The following N4BP2 variants were observed in gnomAD, a reference collection of about 807,000 sequenced individuals.
The protein encoded by N4BP2 is NEDD4 binding protein 2, also known as NEDD4-binding protein 2.
In N4BP2, 91 loss-of-function variants were observed where a neutral mutation model predicts 152.8. That is an observed-to-expected ratio of 0.60 (90% CI 0.50 to 0.71). N4BP2 has a LOEUF of 0.71. N4BP2 is among the 30% of genes least tolerant of loss of function. The pLI is 0.00. For synonymous variants in N4BP2, 646 were observed against 705.3 expected (o/e 0.92, Z 1.33); for missense variants, 1,923 against 2,059.1 (o/e 0.93, Z 1.28).
rs879125123 is a variant in N4BP2 at position 40,121,024 on chromosome 4, A to G, written c.2913A>G (p.Gln971=). 4 of 1,614,092 alleles carry G rather than the reference A, an allele frequency of 2.5e-6. No homozygotes were observed. Among genetic ancestry groups the G allele is most frequent in the South Asian group, 2.2e-5 (2 of 91,080 alleles). ...GTCTAAGTAAAAAGAGTCATGGGCA[A>G]CACACATCGTTGCCTCTTACTTTTA... ...QTCLSKKSHG[Q]HTSLPLTFTN... The change falls in exon 9 of 18, where the codon CAA becomes CAG. Residue 971 remains glutamine, a synonymous_variant. Coordinates refer to ENST00000261435, the MANE Select transcript of N4BP2 (RefSeq NM_018177.6).
At chr4:40,167,303 T>C in the N4BP2 span, 1 of 152,216 alleles carries the variant, frequency 6.6e-6, no homozygotes, top group Non-Finnish European at 1.5e-5. Context: ...CTGAGCTGAA[T>C]AAAGCCTTAT....
intron 2 of N4BP2, among the ~76,000 whole-genome samples, chr4:40,079,994 G>A (rs2664188): frequency 0.48 from 71,982 of 151,514 alleles, 17,632 homozygotes; most frequent in East Asian, 0.8. Context: ...GGGAGGGGGG[G>A]ATATATTTGT....
intron 1 of N4BP2, among the ~76,000 whole-genome samples, chr4:40,060,602 ATTTTT>A (rs11302996): frequency 7.4e-6 from 1 of 134,878 alleles, no homozygotes; most frequent in African/African-American, 2.8e-5. Context: ...AAGTAGCTAG[ATTTTT>A]TTTTTTTTTT....
intron 5 of N4BP2, 137 bp from the exon 6 acceptor site, chr4:40,111,947 A>G: frequency 1.8e-6 from 1 of 557,862 alleles, no homozygotes; most frequent in Non-Finnish European, 3.2e-6. Context: ...TATGTCCTCA[A>G]AGGGATATTT....
chr4:40,146,113 A>C (rs887153944), intron 16 of N4BP2, among the ~76,000 whole-genome samples: 1 of 152,126 alleles, frequency 6.6e-6, no homozygotes, highest in Non-Finnish European at 1.5e-5. Flanking sequence ...CAGTGAGCCA[A>C]GATCACGCCA....
chr4:40,110,985 T>C (rs1716824416), intron 5 of N4BP2, among the ~76,000 whole-genome samples: 1 of 152,256 alleles, frequency 6.6e-6, no homozygotes, highest in South Asian at 2.1e-4. Flanking sequence ...CTAATTCCTT[T>C]GGAAGAAAGG....
the N4BP2 span, among the ~76,000 whole-genome samples, chr4:40,184,329 T>A: frequency 6.6e-6 from 1 of 151,714 alleles, no homozygotes; most frequent in African/African-American, 2.4e-5. Context: ...TCACATTATT[T>A]TTTTTTCTTT....
chr4:40,131,362 A>T (rs547130249), intron 12 of N4BP2, among the ~76,000 whole-genome samples: 2 of 152,268 alleles, frequency 1.3e-5, no homozygotes, highest in East Asian at 3.9e-4. Context: ...GCATGCATTT[A>T]TATACTAATA....
At chr4:40,103,587 T>C (rs1431718633) in intron 4 of N4BP2, among the ~76,000 whole-genome samples, 1 of 152,204 alleles carries the variant, frequency 6.6e-6, no homozygotes, top group Non-Finnish European at 1.5e-5. Flanking sequence ...AAGACTTAAA[T>C]ACATTAATTT....
intron 1 of N4BP2, among the ~76,000 whole-genome samples, chr4:40,063,387 C>T (rs2109885830): frequency 6.6e-6 from 1 of 152,260 alleles, no homozygotes; most frequent in African/African-American, 2.4e-5. Flanking sequence ...TATGTTTCTT[C>T]ACATGGTAAA....
chr4:40,172,832 A>G, the N4BP2 span, among the ~76,000 whole-genome samples: 19 of 152,214 alleles, frequency 1.2e-4, no homozygotes, highest in Non-Finnish European at 2.1e-4. Flanking sequence ...GTGTTTTATA[A>G]TATCTTAAAA....
chr4:40,116,760 G>T (rs1717378310), intron 7 of N4BP2, among the ~76,000 whole-genome samples: 3 of 151,944 alleles, frequency 2.0e-5, no homozygotes, highest in Admixed American at 2.0e-4. Flanking sequence ...TATAGTAAGG[G>T]TCTGCTTGGT....
intron 2 of N4BP2, among the ~76,000 whole-genome samples, chr4:40,093,712 G>A (rs753891725): frequency 6.6e-6 from 1 of 152,146 alleles, no homozygotes; most frequent in Admixed American, 6.6e-5. Context: ...TGCTTCCTGG[G>A]TTCAAACGAT....
In N4BP2 at chr4:40,092,034, A is replaced by G. The variant is rs1346533386; in HGVS notation, c.-114-5193A>G. Among the ~76,000 whole-genome samples, 24 of 123,332 alleles carry G rather than the reference A, an allele frequency of 1.9e-4. 1 individual carries two copies. Among genetic ancestry groups the G allele is most frequent in the African/African-American group, 7.1e-4 (24 of 33,614 alleles). The allele number at this position is 123,332 out of a possible 152,430, so 80.9% of individuals were successfully genotyped here. A position where few individuals can be genotyped will look rare whatever the true frequency, so the allele number is the denominator to read the frequency against. The stretch of plus-strand genomic sequence containing the variant: ...TATATATATATATATATATATATAT[A>G]TATATATATATAGCTGAATTTTATT... On this transcript the variant is annotated intron_variant, in intron 2 of 17. Transcript: ENST00000261435.
At chr4:40,136,225 G>A (rs1719366967) in intron 13 of N4BP2, among the ~76,000 whole-genome samples, 2 of 152,180 alleles carry the variant, frequency 1.3e-5, no homozygotes, top group African/African-American at 4.8e-5. Flanking sequence ...TATTGTCTGT[G>A]TTTGATGTTT....
At chr4:40,069,971 G>A (rs76942222) in intron 1 of N4BP2, among the ~76,000 whole-genome samples, 2,258 of 152,106 alleles carry the variant, frequency 0.015, 54 homozygotes, top group African/African-American at 0.051. Flanking sequence ...CTTTGTAGAG[G>A]TATTCTTTTA....
Position 40,122,004 on chromosome 4 carries a change from A to C in N4BP2, c.3893A>C (p.Glu1298Ala). ...FNFVSSTSNLELNEEIYFTDS... is the reference protein window; with the variant it reads ...FNFVSSTSNLALNEEIYFTDS... ...TTTGTATCTAGTACTTCAAATCTTG[A>C]ATTAAATGAAGAAATTTATTTTACT... is the stretch of plus-strand genomic sequence containing the variant. The change falls in exon 9 of 18, where the codon GAA becomes GCA. Residue 1298 changes from glutamate to alanine, a missense_variant. Glu to Ala is a moderately radical substitution (Grantham distance 107, BLOSUM62 -1). Transcript: ENST00000261435. The C allele has an allele frequency of 1.9e-6, 3 of 1,542,844 alleles. No individual in the cohort carries two copies. The highest frequency in any genetic ancestry group is 2.6e-6 in the Non-Finnish European group (3 of 1,140,636).
rs1721451082 is a variant in N4BP2 at position 40,154,638 on chromosome 4, T to C, written c.*401T>C. The C allele has an allele frequency of 6.2e-6, 1 of 160,686 alleles. No individual in the cohort carries two copies. Among genetic ancestry groups the C allele is most frequent in the Non-Finnish European group, 1.3e-5 (1 of 74,310 alleles). 10.0% of individuals were successfully genotyped at this position (160,686 alleles called of 1,614,324 possible). ...GACCTGATTCATGCCCCCCAAAGGG[T>C]GGTATTAAAAGAGGAAAAAGGACAT... On this transcript the variant is annotated 3_prime_UTR_variant, in exon 18 of 18. Transcript: ENST00000261435.
chr4:40,068,476 G>A (rs1289748448), intron 1 of N4BP2, among the ~76,000 whole-genome samples: 1 of 152,092 alleles, frequency 6.6e-6, no homozygotes, highest in Non-Finnish European at 1.5e-5. Flanking sequence ...AGTCCATTTT[G>A]AGTTACCTTT....
Sources: allele counts gnomAD v4.1 joint callset (sites outside exome capture counted in the v4.1 genomes callset), GRCh38; gene constraint gnomAD v4.1.1; transcripts MANE v1.5; gene names NCBI Gene and HGNC (gene_info 2026-07-23, HGNC 2026-07-21).